WWC2: variants seen among roughly 807,000 people sequenced by gnomAD.
WWC2 encodes the protein protein WWC2.
In WWC2, 101 loss-of-function variants were observed where a neutral mutation model predicts 138.5. That is an observed-to-expected ratio of 0.73 (90% CI 0.62 to 0.86). The LOEUF is 0.86. Among genes scored for constraint, WWC2 ranks in the 40% least tolerant of loss-of-function variants. WWC2 has a pLI of 0.00. For missense variants in WWC2, 1,420 were observed against 1,419.4 expected (o/e 1.00, Z -0.01); for synonymous variants, 558 against 538.4 (o/e 1.04, Z -0.50).
At chr4:183,315,629 A>T in intron 22 of WWC2, 34 bp from the exon 23 acceptor site, 2 of 1,569,338 alleles carry the variant, frequency 1.3e-6, no homozygotes, top group Non-Finnish European at 1.7e-6. Flanking sequence ...TTAGCATCAT[A>T]TATAAGTCAA....
At chr4:183,158,070 T>G (rs942576958) in intron 1 of WWC2, among the ~76,000 whole-genome samples, 1 of 152,110 alleles carries the variant, frequency 6.6e-6, no homozygotes, top group South Asian at 2.1e-4. Context: ...AGGGAGTGAT[T>G]TTAGATCAAT....
At position 183,320,046 on chromosome 4, in the gene WWC2, T is replaced by A. The variant is rs1259726476; in HGVS notation, c.*4317T>A. On this transcript the variant is annotated 3_prime_UTR_variant, in exon 23 of 23. Transcript: ENST00000403733. Reference sequence around the variant, plus strand: ...GTCCTTGCATTGCATCCCCACTTCCTCTTGGATGACACAGGTTTGCCAGAG... The same window carrying A: ...GTCCTTGCATTGCATCCCCACTTCCACTTGGATGACACAGGTTTGCCAGAG... 2 of 1,614,074 alleles carry A rather than the reference T, an allele frequency of 1.2e-6. No homozygotes were observed. Among genetic ancestry groups the A allele is most frequent in the Non-Finnish European group, 1.7e-6 (2 of 1,180,016 alleles).
chr4:183,099,770 C>G, intron 1 of WWC2, 148 bp downstream of exon 1: 1 of 844,660 alleles, frequency 1.2e-6, no homozygotes, highest in Non-Finnish European at 1.5e-6. Flanking sequence ...TCCGGCGGGG[C>G]CGAGGAGCCG....
chr4:183,286,506 A>G (rs1179189683), intron 20 of WWC2, among the ~76,000 whole-genome samples: 1 of 152,154 alleles, frequency 6.6e-6, no homozygotes, highest in Non-Finnish European at 1.5e-5. Flanking sequence ...TATCTTTAGA[A>G]GGTTAAAACT....
chr4:183,127,899 A>C (rs1732807030), intron 1 of WWC2, among the ~76,000 whole-genome samples: 1 of 152,150 alleles, frequency 6.6e-6, no homozygotes, highest in African/African-American at 2.4e-5. Context: ...ATTTAAATGT[A>C]AGAGACATTT....
At chr4:183,191,979 C>G (rs1383520231) in intron 1 of WWC2, among the ~76,000 whole-genome samples, 1 of 152,180 alleles carries the variant, frequency 6.6e-6, no homozygotes, top group African/African-American at 2.4e-5. Context: ...CCTGCCTCAG[C>G]CTCCCAAAGT....
chr4:183,113,850 C>T (rs139196491), intron 1 of WWC2, among the ~76,000 whole-genome samples: 71 of 151,000 alleles, frequency 4.7e-4, no homozygotes, highest in African/African-American at 1.7e-3. Context: ...CAGTGGGAAG[C>T]AGTGAGTGGA....
chr4:183,264,919 A>G (rs1267445358), intron 11 of WWC2, 59 bp from the exon 12 acceptor site: 13 of 1,519,298 alleles, frequency 8.6e-6, no homozygotes, highest in African/African-American at 4.1e-5. Context: ...GTATGTATTT[A>G]ATACTTAACT....
chr4:183,236,384 G>T (rs1736425921), intron 4 of WWC2, among the ~76,000 whole-genome samples: 2 of 152,086 alleles, frequency 1.3e-5, no homozygotes. Flanking sequence ...GTGCCTTGTG[G>T]TCAGAACAAA....
At chr4:183,100,256 TCC>T (rs1236683957) in intron 1 of WWC2, among the ~76,000 whole-genome samples, 1 of 152,242 alleles carries the variant, frequency 6.6e-6, no homozygotes, top group East Asian at 1.9e-4. Context: ...TTGAACCGAC[TCC>T]CAGATCGGGA....
At chr4:183,270,232 A>G (rs1737655271) in intron 15 of WWC2, among the ~76,000 whole-genome samples, 1 of 152,202 alleles carries the variant, frequency 6.6e-6, no homozygotes, top group South Asian at 2.1e-4. Context: ...AAGTTCATAA[A>G]TATTATATTG....
intron 1 of WWC2, among the ~76,000 whole-genome samples, chr4:183,132,618 T>A (rs1732962065): frequency 6.6e-6 from 1 of 151,926 alleles, no homozygotes; most frequent in Non-Finnish European, 1.5e-5. Context: ...CACGCCCGGC[T>A]AATTTTTTGT....
intron 1 of WWC2, among the ~76,000 whole-genome samples, chr4:183,127,658 A>AGGG (rs1341748605): frequency 6.6e-6 from 1 of 152,156 alleles, no homozygotes; most frequent in Admixed American, 6.5e-5. Context: ...CCCACCAAAA[A>AGGG]GGGGGGAATA....
chr4:183,253,665 C>T (rs1262543873), intron 8 of WWC2, 92 bp from the exon 9 acceptor site: 1 of 1,472,832 alleles, frequency 6.8e-7, no homozygotes, highest in East Asian at 2.3e-5. Context: ...AAAATCTGGA[C>T]AGCATGTCAA....
intron 1 of WWC2, among the ~76,000 whole-genome samples, chr4:183,135,892 C>T (rs1222071790): frequency 6.6e-6 from 1 of 152,054 alleles, no homozygotes; most frequent in East Asian, 1.9e-4. Context: ...TGTCTTTAGG[C>T]TTTTATTTTT....
chr4:183,259,852 T>C lies in WWC2; in HGVS notation c.1286+124T>C, dbSNP rs764974962. The stretch of plus-strand genomic sequence containing the variant: ...AAAATCATTATAGTAGCACAGTTAC[T>C]GTTTGAGTGATCAGATTTAAAGTCA... On this transcript the variant is annotated intron_variant, in intron 10 of 22. Transcript: ENST00000403733. The C allele has an allele frequency of 1.4e-3, 987 of 730,940 alleles. 7 individuals are homozygous for C. Among genetic ancestry groups the C allele is most frequent in the Non-Finnish European group, 2.0e-4 (87 of 434,850 alleles). The allele number at this position is 730,940 out of a possible 1,614,324, so 45.3% of individuals were successfully genotyped here.
At chr4:183,290,516 CAA>C (rs11451373) in intron 21 of WWC2, among the ~76,000 whole-genome samples, 2 of 110,098 alleles carry the variant, frequency 1.8e-5, no homozygotes, top group Non-Finnish European at 1.9e-5. Flanking sequence ...GACTCCATCT[CAA>C]AAAAAAAAAA....
At chr4:183,302,557 T>C (rs971751025) in intron 21 of WWC2, among the ~76,000 whole-genome samples, 5 of 127,792 alleles carry the variant, frequency 3.9e-5, no homozygotes, top group African/African-American at 1.4e-4. Flanking sequence ...AAGAGGCAGC[T>C]TCTCAAAGCA....
At chr4:183,233,502 A>G (rs1736323770) in intron 4 of WWC2, 1 of 151,858 alleles carries the variant, frequency 6.6e-6, no homozygotes. Context: ...CCTTCCATAT[A>G]TTAATATTTA....
Sources: allele counts gnomAD v4.1 joint callset (sites outside exome capture counted in the v4.1 genomes callset), GRCh38; gene constraint gnomAD v4.1.1; transcripts MANE v1.5; gene names NCBI Gene and HGNC (gene_info 2026-07-23, HGNC 2026-07-21).